The following TBCE variants were observed in gnomAD, a reference collection of about 807,000 sequenced individuals.
TBCE encodes the protein tubulin-specific chaperone E.
Under a neutral mutation model 77.0 loss-of-function variants are expected in TBCE, and 53 were observed. The ratio of observed to expected loss-of-function variants is 0.69; its 90% CI spans 0.55 to 0.87. The LOEUF is 0.87. Ranked by LOEUF, TBCE falls within the 40% of genes least tolerant of loss-of-function variation. The pLI is 0.00. For missense variants in TBCE, 624 were observed against 622.4 expected (o/e 1.00, Z -0.03); for synonymous variants, 235 against 241.3 (o/e 0.97, Z 0.24).
intron 7 of TBCE, 55 bp from the exon 8 acceptor site, chr1:235,434,149 C>T (rs1029112331): frequency 1.2e-5 from 19 of 1,524,370 alleles, no homozygotes; most frequent in African/African-American, 8.2e-5. Context: ...TATGAACACC[C>T]GGGAAGAAAC....
chr1:235,382,642 G>A (rs1321227978), intron 2 of TBCE, among the ~76,000 whole-genome samples: 43 of 151,846 alleles, frequency 2.8e-4, no homozygotes, highest in East Asian at 2.5e-3. Flanking sequence ...CATGTCCTTC[G>A]CCCACTTTTT....
At chr1:235,443,791 C>T (rs548444871) in intron 15 of TBCE, among the ~76,000 whole-genome samples, 1 of 152,150 alleles carries the variant, frequency 6.6e-6, no homozygotes, top group African/African-American at 2.4e-5. Context: ...GAGAAAGCTA[C>T]CTTAGAACTT....
chr1:235,427,368 TAAG>T (rs1344899227), intron 6 of TBCE, 129 bp downstream of exon 6: 1 of 731,310 alleles, frequency 1.4e-6, no homozygotes, highest in African/African-American at 1.7e-5. Flanking sequence ...ATACAGGAGT[TAAG>T]AAGGAATTAC....
At chr1:235,396,954 G>GTTTGTTTGTTTATTTA (rs1553333556) in intron 2 of TBCE, among the ~76,000 whole-genome samples, 6 of 148,350 alleles carry the variant, frequency 4.0e-5, no homozygotes, top group African/African-American at 1.5e-4. Flanking sequence ...TTTGTTGATT[G>GTTTGTTTGTTTATTTA]TTTATTTATT....
chr1:235,385,249 T>C (rs1277519712), intron 2 of TBCE, among the ~76,000 whole-genome samples: 1 of 152,172 alleles, frequency 6.6e-6, no homozygotes, highest in Non-Finnish European at 1.5e-5. Flanking sequence ...ATGTGGTCAA[T>C]TTTGGAATAG....
intron 3 of TBCE, among the ~76,000 whole-genome samples, chr1:235,404,679 T>C (rs977468014): frequency 3.9e-5 from 6 of 152,018 alleles, no homozygotes; most frequent in Admixed American, 6.6e-5. Flanking sequence ...TAAATTTTTT[T>C]TTTTTTTGGG....
At chr1:235,408,988 G>T (rs1425661019) in intron 3 of TBCE, among the ~76,000 whole-genome samples, 1 of 148,220 alleles carries the variant, frequency 6.7e-6, no homozygotes, top group East Asian at 2.0e-4. Flanking sequence ...GTGAACTTTG[G>T]ATTTCAGATA....
chr1:235,380,332 C>T (rs1246872346), intron 2 of TBCE, among the ~76,000 whole-genome samples, 183 bp downstream of exon 2: 2 of 151,954 alleles, frequency 1.3e-5, no homozygotes, highest in Non-Finnish European at 2.9e-5. Flanking sequence ...GTGACAGTAT[C>T]CTGTGGTATC....
Position 235,450,125 on chromosome 1 carries a change from T to C in TBCE, c.*1363T>C. Reference sequence around the variant, plus strand: ...CTTGAAAGACCATACAGTCTACTGCTAAACCCTGGGACTCCTCAGACTTGC... The same window carrying C: ...CTTGAAAGACCATACAGTCTACTGCCAAACCCTGGGACTCCTCAGACTTGC... On this transcript the variant is annotated 3_prime_UTR_variant, in exon 17 of 17. Transcript: ENST00000642610. 1.9e-6 allele frequency: 3 copies of C among 1,542,486 alleles called. No individual in the cohort carries two copies. The highest frequency in any genetic ancestry group is 4.5e-5 in the East Asian group (2 of 44,516).
rs1412458435 is a variant in TBCE at position 235,451,821 on chromosome 1, T to C, written c.*3059T>C. 6.6e-6 allele frequency: 1 copy of C among 152,236 alleles called. No individual in the cohort carries two copies. Among genetic ancestry groups the C allele is most frequent in the African/African-American group, 2.4e-5 (1 of 41,466 alleles). The allele number at this position is 152,236 out of a possible 1,614,324, so 9.4% of individuals were successfully genotyped here. A position where few individuals can be genotyped will look rare whatever the true frequency, so the allele number is the denominator to read the frequency against. Reference sequence around the variant, plus strand: ...AATCCAGAACAGAAATCTCTGAAGCTAAAGCCAGCTTTGTGCTTGATTTCT... The same window carrying C: ...AATCCAGAACAGAAATCTCTGAAGCCAAAGCCAGCTTTGTGCTTGATTTCT... On this transcript the variant is annotated 3_prime_UTR_variant, in exon 17 of 17. Coordinates refer to ENST00000642610, the MANE Select transcript of TBCE (RefSeq NM_003193.5).
intron 3 of TBCE, among the ~76,000 whole-genome samples, chr1:235,403,349 G>A (rs1330741166): frequency 6.6e-6 from 1 of 152,180 alleles, no homozygotes; most frequent in Non-Finnish European, 1.5e-5. Flanking sequence ...TGGGATCACA[G>A]GCGAACGCTA....
chr1:235,406,620 C>T (rs1028260871), intron 3 of TBCE, among the ~76,000 whole-genome samples: 3 of 152,112 alleles, frequency 2.0e-5, no homozygotes, highest in African/African-American at 7.2e-5. Flanking sequence ...CAACCTCCGC[C>T]TCCCGGGTCC....
chr1:235,422,299 G>C (rs149324881), intron 5 of TBCE, among the ~76,000 whole-genome samples: 2,410 of 152,294 alleles, frequency 0.016, 23 homozygotes, highest in African/African-American at 0.028. Context: ...ATCACCTGAG[G>C]TCAGGAGTTC....
chr1:235,404,669 T>A lies in TBCE; in HGVS notation c.185+3082T>A, dbSNP rs975494464. The stretch of plus-strand genomic sequence containing the variant: ...TGTAACTTTTTTATGTTATAAACTT[T>A]AAATTTTTTTTTTTTTTGGGATGGA... On this transcript the variant is annotated intron_variant, in intron 3 of 16. Coordinates refer to ENST00000642610, the MANE Select transcript of TBCE (RefSeq NM_003193.5). Among the ~76,000 whole-genome samples, 12 of 150,812 alleles carry A rather than the reference T, an allele frequency of 8.0e-5. No individual in the cohort carries two copies. In the East Asian group the frequency reaches 9.7e-4, roughly 12 times the overall value.
intron 3 of TBCE, among the ~76,000 whole-genome samples, chr1:235,403,500 A>C (rs1321839422): frequency 6.6e-6 from 1 of 151,372 alleles, no homozygotes. Flanking sequence ...GTGAGCCACC[A>C]CCCCCTGTGA....
intron 3 of TBCE, among the ~76,000 whole-genome samples, chr1:235,411,192 G>A (rs775327918): frequency 2.0e-5 from 3 of 152,222 alleles, no homozygotes; most frequent in African/African-American, 4.8e-5. Flanking sequence ...ATCACTGGTT[G>A]GTTCACAGGA....
chr1:235,427,485 G>A (rs1310091373), intron 6 of TBCE, among the ~76,000 whole-genome samples: 1 of 152,090 alleles, frequency 6.6e-6, no homozygotes, highest in African/African-American at 2.4e-5. Context: ...CTGTAAAATC[G>A]AGCTGCAGAC....
intron 15 of TBCE, 115 bp from the exon 16 acceptor site, chr1:235,448,220 CAAAAAAAAAAAAAA>C: frequency 1.9e-6 from 1 of 527,200 alleles, no homozygotes; most frequent in East Asian, 3.4e-5. Context: ...AAGTCAGTCT[CAAAAAAAAAAAAAA>C]AAAAAAGACA....
chr1:235,442,735 G>A, intron 14 of TBCE, 117 bp from the exon 15 acceptor site: 1 of 918,572 alleles, frequency 1.1e-6, no homozygotes, highest in Non-Finnish European at 1.7e-6. Context: ...ACATTGATTA[G>A]ACCTGCCAAT....
Sources: gnomAD v4.1 joint callset for allele counts (sites outside exome capture counted in the v4.1 genomes callset) on GRCh38, gnomAD v4.1.1 for gene constraint, MANE v1.5 for transcripts, NCBI Gene and HGNC (gene_info 2026-07-23, HGNC 2026-07-21) for gene names.